Variants in TENM2 observed in about 807,000 individuals in gnomAD.
TENM2 encodes the protein teneurin transmembrane protein 2, also known as teneurin-2.
In TENM2, 52 loss-of-function variants were observed where a neutral mutation model predicts 245.2. The ratio of observed to expected loss-of-function variants is 0.21; its 90% CI spans 0.17 to 0.27. The LOEUF is 0.27. Ranked by LOEUF, TENM2 falls within the 10% of genes least tolerant of loss-of-function variation. TENM2 has a pLI of 1.00. For synonymous variants in TENM2, 1,363 were observed against 1,438.9 expected, an observed-to-expected ratio of 0.95 and a Z score of 1.19; for missense variants, 3,046 against 3,666.8, an observed-to-expected ratio of 0.83 and a Z score of 4.37.
At chr5:167,789,671 C>A (rs556351470) in intron 2 of TENM2, among the ~76,000 whole-genome samples, 4 of 152,318 alleles carry the variant, frequency 2.6e-5, no homozygotes, top group South Asian at 4.1e-4. Flanking sequence ...CTCTCATAAA[C>A]CATCTTAGTA....
chr5:168,190,002 C>T (rs772411123), intron 13 of TENM2, among the ~76,000 whole-genome samples: 2 of 152,044 alleles, frequency 1.3e-5, no homozygotes, highest in Non-Finnish European at 2.9e-5. Context: ...TGTTTAAAAG[C>T]GAAGTTTTTG....
At chr5:167,162,661 TC>T in the TENM2 span, among the ~76,000 whole-genome samples, 1 of 149,612 alleles carries the variant, frequency 6.7e-6, no homozygotes, top group African/African-American at 2.5e-5. Flanking sequence ...AAAAAAAACC[TC>T]CTTAGGACTG....
intron 2 of TENM2, among the ~76,000 whole-genome samples, chr5:167,483,186 C>T (rs746366387): frequency 6.6e-6 from 1 of 152,130 alleles, no homozygotes; most frequent in Non-Finnish European, 1.5e-5. Context: ...TTAGCCCAGC[C>T]CCTGTACAGA....
At chr5:167,319,292 G>C (rs1756574276) in intron 1 of TENM2, among the ~76,000 whole-genome samples, 1 of 152,116 alleles carries the variant, frequency 6.6e-6, no homozygotes, top group East Asian at 1.9e-4. Flanking sequence ...ACATTTCTCA[G>C]TTTCAGGGTT....
chr5:167,904,463 C>A (rs1775935786), intron 3 of TENM2, among the ~76,000 whole-genome samples: 2 of 152,000 alleles, frequency 1.3e-5, no homozygotes, highest in South Asian at 4.2e-4. Context: ...TTAATAAGGC[C>A]TCTATAAATG....
At position 167,597,141 on chromosome 5, in the gene TENM2, ATTTCT is replaced by A. The variant is rs1315621940; in HGVS notation, c.502+221692_502+221696del. Among the ~76,000 whole-genome samples the A allele has an allele frequency of 6.1e-3, 854 of 140,886 alleles. 25 individuals are homozygous for A. The highest frequency in any genetic ancestry group is 9.0e-3 in the Non-Finnish European group (590 of 65,672). The allele number at this position is 140,886 out of a possible 152,430, so 92.4% of individuals were successfully genotyped here. A position where few individuals can be genotyped will look rare whatever the true frequency, so the allele number is the denominator to read the frequency against. ...AAATTTGCCATAAACACCCATACATATTTCTTTTCTTTTCTTTTCTTTTCTTTTTT... is the reference window on the plus strand; with the variant it reads ...AAATTTGCCATAAACACCCATACATATTTCTTTTCTTTTCTTTTCTTTTTT... On this transcript the variant is annotated intron_variant, in intron 2 of 28. Coordinates refer to ENST00000518659, the Ensembl canonical transcript of TENM2.
chr5:167,729,355 A>T (rs779722886), intron 2 of TENM2, among the ~76,000 whole-genome samples: 2 of 152,222 alleles, frequency 1.3e-5, no homozygotes, highest in African/African-American at 4.8e-5. Context: ...ATAGACCACT[A>T]TTCTCCTTCC....
At chr5:167,508,064 T>C (rs935171872) in intron 2 of TENM2, among the ~76,000 whole-genome samples, 1 of 152,112 alleles carries the variant, frequency 6.6e-6, no homozygotes, top group East Asian at 1.9e-4. Context: ...ACTGAACATG[T>C]GGAAACGAAA....
chr5:167,865,187 G>T (rs1042392027), intron 2 of TENM2, among the ~76,000 whole-genome samples: 1 of 152,114 alleles, frequency 6.6e-6, no homozygotes, highest in Non-Finnish European at 1.5e-5. Context: ...TGAAATTGTT[G>T]GATTGTCTTG....
intron 2 of TENM2, among the ~76,000 whole-genome samples, chr5:167,406,171 G>A (rs1001338685): frequency 1.3e-5 from 2 of 152,080 alleles, no homozygotes; most frequent in South Asian, 4.1e-4. Context: ...ATAGACTCTT[G>A]TTTAATTAAA....
chr5:167,218,305 C>T, the TENM2 span, among the ~76,000 whole-genome samples: 1 of 152,030 alleles, frequency 6.6e-6, no homozygotes, highest in Non-Finnish European at 1.5e-5. Context: ...TGCCAAGTGT[C>T]ACAATTATGA....
the TENM2 span, among the ~76,000 whole-genome samples, chr5:167,112,663 T>C: frequency 6.6e-6 from 1 of 152,250 alleles, no homozygotes; most frequent in Non-Finnish European, 1.5e-5. Flanking sequence ...CCAGATGGAA[T>C]TCACTGAAAT....
At chr5:167,740,650 G>A (rs960007807) in intron 2 of TENM2, among the ~76,000 whole-genome samples, 2 of 152,068 alleles carry the variant, frequency 1.3e-5, no homozygotes, top group Non-Finnish European at 2.9e-5. Context: ...AATGGGGTAC[G>A]GCCAAGAATA....
chr5:167,078,492 A>G, the TENM2 span, among the ~76,000 whole-genome samples: 1 of 30,156 alleles, frequency 3.3e-5, no homozygotes, highest in East Asian at 7.8e-4. Flanking sequence ...TCAAACAACA[A>G]CAACAACAAC....
chr5:167,449,401 T>G (rs1333134884), intron 2 of TENM2, among the ~76,000 whole-genome samples: 4 of 152,078 alleles, frequency 2.6e-5, no homozygotes, highest in African/African-American at 9.7e-5. Flanking sequence ...GTGCGGTGGC[T>G]CCAGCCCCCT....
intron 2 of TENM2, among the ~76,000 whole-genome samples, chr5:167,827,338 T>C (rs1006820522): frequency 1.3e-5 from 2 of 152,154 alleles, no homozygotes; most frequent in Non-Finnish European, 2.9e-5. Context: ...TTATTGCAAC[T>C]AAATTTTAAT....
chr5:167,028,744 A>T, the TENM2 span, among the ~76,000 whole-genome samples: 12 of 152,128 alleles, frequency 7.9e-5, no homozygotes, highest in Non-Finnish European at 8.8e-5. Context: ...AATGAAATCC[A>T]ATTCAATGTG....
intron 2 of TENM2, among the ~76,000 whole-genome samples, chr5:167,392,239 T>A (rs2127365038): frequency 6.6e-6 from 1 of 152,276 alleles, no homozygotes; most frequent in African/African-American, 2.4e-5. Context: ...AGTTCTCATA[T>A]AATTGTAAAC....
intron 3 of TENM2, among the ~76,000 whole-genome samples, chr5:167,884,202 TGA>T (rs1774101554): frequency 6.6e-6 from 1 of 152,222 alleles, no homozygotes; most frequent in Admixed American, 6.5e-5. Flanking sequence ...TGATTGGGTT[TGA>T]GAGTACTTGT....
Sources: allele counts gnomAD v4.1 joint callset (sites outside exome capture counted in the v4.1 genomes callset), GRCh38; gene constraint gnomAD v4.1.1; transcripts MANE v1.5; gene names NCBI Gene and HGNC (gene_info 2026-07-23, HGNC 2026-07-21).